Variants in WNT7A observed in about 807,000 individuals in gnomAD.
WNT7A encodes the protein protein Wnt-7a.
WNT7A carries 16 observed loss-of-function variants against 28.2 expected under a neutral mutation model. That is an observed-to-expected ratio of 0.57 (90% CI 0.38 to 0.86). The LOEUF (loss-of-function observed/expected upper bound fraction) is 0.86, where lower values mean the gene tolerates loss of function less well. WNT7A is among the 40% of genes least tolerant of loss of function. The pLI is 0.00. For synonymous variants in WNT7A, 190 were observed against 195.9 expected, an observed-to-expected ratio of 0.97 and a Z score of 0.25; for missense variants, 411 against 489.7, an observed-to-expected ratio of 0.84 and a Z score of 1.52.
At chr3:13,828,099 A>T (rs74912016) in intron 3 of WNT7A, among the ~76,000 whole-genome samples, 8,675 of 152,188 alleles carry the variant, frequency 0.057, 527 homozygotes, top group African/African-American at 0.15. Context: ...CCCGAAACTG[A>T]AGTAGCCCCA....
rs755472585 is a variant in WNT7A, at chr3:13,854,538, G to C, written c.564C>G (p.Gly188=). 1.2e-6 allele frequency: 2 copies of C among 1,614,078 alleles called. No homozygotes were observed. The highest frequency in any genetic ancestry group is 1.7e-5 in the Admixed American group (1 of 60,030). The change falls in exon 3 of 4, where the codon GGC becomes GGG. Residue 188 remains glycine, a synonymous_variant. Transcript: ENST00000285018. ...GCCCTCCCTGGCTTCCTACCTTTCG[G>C]CCTGCCTCGTTGTTGTGCAAGTTCA... The part of the protein sequence containing the change: ...TLMNLHNNEA[G]RKILEENMKL...
intron 2 of WNT7A, chr3:13,863,993 T>C (rs1559305377): frequency 6.6e-6 from 1 of 152,136 alleles, no homozygotes; most frequent in Non-Finnish European, 1.5e-5. Context: ...CATCAGAGTT[T>C]CCCAGATTGT....
intron 2 of WNT7A, among the ~76,000 whole-genome samples, chr3:13,860,790 C>T (rs568766167): frequency 2.6e-5 from 4 of 152,212 alleles, no homozygotes; most frequent in African/African-American, 7.2e-5. Context: ...GGTAATTTCC[C>T]GAATGCCTAA....
At chr3:13,821,217 A>T (rs1252901001) in intron 3 of WNT7A, among the ~76,000 whole-genome samples, 1 of 152,182 alleles carries the variant, frequency 6.6e-6, no homozygotes, top group African/African-American at 2.4e-5. Context: ...GGCCCAGTTG[A>T]GCTGGAGGCT....
At position 13,864,694 on chromosome 3, in the gene WNT7A, G is replaced by A. The variant is rs114039893; in HGVS notation, c.299-9891C>T. Among the ~76,000 whole-genome samples, 1,021 of 152,336 alleles carry A rather than the reference G, an allele frequency of 6.7e-3. 12 individuals are homozygous for A. Among genetic ancestry groups the A allele is most frequent in the African/African-American group, 0.023 (975 of 41,572 alleles). On this transcript the variant is annotated intron_variant, in intron 2 of 3. Coordinates refer to ENST00000285018, the MANE Select transcript of WNT7A (RefSeq NM_004625.4). ...TAAATGAGTGGACATACAAGTGGGG[G>A]AGTCTTATCCCATGAACATTTAACT...
intron 2 of WNT7A, among the ~76,000 whole-genome samples, chr3:13,855,201 C>T (rs903854867): frequency 1.1e-4 from 16 of 152,232 alleles, no homozygotes; most frequent in Non-Finnish European, 1.8e-4. Flanking sequence ...GTTTCCCCAA[C>T]ACCCACAGAG....
chr3:13,842,034 G>A (rs993573561), intron 3 of WNT7A, among the ~76,000 whole-genome samples: 1 of 152,044 alleles, frequency 6.6e-6, no homozygotes, highest in Non-Finnish European at 1.5e-5. Flanking sequence ...GAGCCACAGG[G>A]AGACCGCTGC....
intron 3 of WNT7A, among the ~76,000 whole-genome samples, chr3:13,838,960 A>G (rs1476846776): frequency 6.6e-6 from 1 of 152,250 alleles, no homozygotes; most frequent in African/African-American, 2.4e-5. Flanking sequence ...CAGAAAAATT[A>G]AAAAGTATCT....
At chr3:13,844,826 C>T (rs1694513713) in intron 3 of WNT7A, among the ~76,000 whole-genome samples, 1 of 152,098 alleles carries the variant, frequency 6.6e-6, no homozygotes, top group Non-Finnish European at 1.5e-5. Context: ...GGTGCCAGAC[C>T]CTCCAGAACA....
chr3:13,849,044 G>C (rs757981407), intron 3 of WNT7A, among the ~76,000 whole-genome samples: 1 of 152,214 alleles, frequency 6.6e-6, no homozygotes, highest in Non-Finnish European at 1.5e-5. Context: ...AATAATGAAA[G>C]TATACAAGTG....
intron 3 of WNT7A, among the ~76,000 whole-genome samples, chr3:13,829,689 A>G (rs1694247488): frequency 1.3e-5 from 2 of 152,168 alleles, no homozygotes; most frequent in African/African-American, 2.4e-5. Flanking sequence ...GATCTCGGAG[A>G]GAAAAGACGG....
intron 3 of WNT7A, among the ~76,000 whole-genome samples, chr3:13,830,291 C>CTTTGCTGG (rs1394314887): frequency 2.0e-5 from 3 of 152,198 alleles, no homozygotes; most frequent in Admixed American, 2.0e-4. Flanking sequence ...CCCTCAACCT[C>CTTTGCTGG]AGGCTGGAGG....
chr3:13,830,670 T>C (rs1250126392), intron 3 of WNT7A, among the ~76,000 whole-genome samples: 1 of 152,176 alleles, frequency 6.6e-6, no homozygotes, highest in Non-Finnish European at 1.5e-5. Context: ...TGGCTGTGAC[T>C]GTCTCCCTCT....
In WNT7A at chr3:13,819,104, G is replaced by C; in HGVS notation, c.890C>G (p.Thr297Arg). ...VGTQGRACNK[T>R]APQASGCDLM... ...GTCACAGCCGCTGGCCTGGGGAGCC[G>C]TCTTGTTGCAGGCGCGGCCCTGGGT... Residue 297 changes from threonine to arginine, a missense_variant, in exon 4 of 4, where the codon ACG becomes AGG. Thr to Arg is a moderately conservative substitution (Grantham distance 71). Coordinates refer to ENST00000285018, the MANE Select transcript of WNT7A (RefSeq NM_004625.4). The C allele has an allele frequency of 6.2e-7, 1 of 1,614,134 alleles. No individual in the cohort carries two copies. Among genetic ancestry groups the C allele is most frequent in the Middle Eastern group, 1.6e-4 (1 of 6,062 alleles).
rs763944792 is a variant in WNT7A at position 13,819,297 on chromosome 3, T to C, written c.697A>G (p.Asn233Asp). The C allele has an allele frequency of 2.0e-5, 32 of 1,613,916 alleles. No homozygotes were observed. The highest frequency in any genetic ancestry group is 1.3e-5 in the African/African-American group (1 of 74,916). Residue 233 changes from asparagine (N) to aspartate (D), a missense_variant, in exon 4 of 4, where the codon AAC becomes GAC. Coordinates refer to ENST00000285018, the MANE Select transcript of WNT7A (RefSeq NM_004625.4). ...ACAGGCTCCACGTGAACGGCCTCGT[T>C]GTACTTGTCCTTGAGCACGTAGCCC... ...ELGYVLKDKY[N>D]EAVHVEPVRA...
intron 3 of WNT7A, among the ~76,000 whole-genome samples, chr3:13,849,373 A>G (rs1276753579): frequency 6.6e-5 from 10 of 152,202 alleles, no homozygotes; most frequent in Admixed American, 1.3e-4. Context: ...TGTCTTGTGC[A>G]ATAGTTTGGA....
At position 13,874,807 on chromosome 3, in the gene WNT7A, C is replaced by T. The variant is rs561847618; in HGVS notation, c.298+140G>A. ...TGACCCTCACTGAGAGTCCTGAATG[C>T]AAGTCAATGCACCTGCAGGACCCCA... is the stretch of plus-strand genomic sequence containing the variant. On this transcript the variant is annotated intron_variant, in intron 2 of 3. Transcript: ENST00000285018. 17 of 865,408 alleles carry T rather than the reference C, an allele frequency of 2.0e-5. No individual in the cohort carries two copies. The African/African-American group carries it at 2.5e-4, about 13-fold the overall frequency. The allele number at this position is 865,408 out of a possible 1,614,324, so 53.6% of individuals were successfully genotyped here.
At chr3:13,826,745 C>A (rs1362871110) in intron 3 of WNT7A, among the ~76,000 whole-genome samples, 1 of 152,126 alleles carries the variant, frequency 6.6e-6, no homozygotes, top group East Asian at 1.9e-4. Flanking sequence ...TAAACATCTA[C>A]AATTTTTGAT....
rs1694954397 is a variant in WNT7A at position 13,868,610 on chromosome 3, GAGA to G, written c.298+6334_298+6336del. ...AGAGAGGGAGAAAGAAAGAAAGAAA[GAGA>G]GAGAGAGAGAAAGAAAGAAAGAGAG... On this transcript the variant is annotated intron_variant, in intron 2 of 3. Coordinates refer to ENST00000285018, the MANE Select transcript of WNT7A (RefSeq NM_004625.4). Among the ~76,000 whole-genome samples the G allele has an allele frequency of 8.9e-4, 14 of 15,688 alleles. 3 individuals carry two copies. The highest frequency in any genetic ancestry group is 5.1e-3 in the Admixed American group (9 of 1,750). The allele number at this position is 15,688 out of a possible 152,430, so 10.3% of individuals were successfully genotyped here. A position where few individuals can be genotyped will look rare whatever the true frequency, so the allele number is the denominator to read the frequency against.
Sources: allele counts gnomAD v4.1 joint callset (sites outside exome capture counted in the v4.1 genomes callset), GRCh38; gene constraint gnomAD v4.1.1; transcripts MANE v1.5; gene names NCBI Gene and HGNC (gene_info 2026-07-23, HGNC 2026-07-21).